The following ACTR10 variants were observed in gnomAD, a reference collection of about 807,000 sequenced individuals.
The protein encoded by ACTR10 is actin-related protein 10.
ACTR10 carries 43 observed loss-of-function variants against 56.2 expected under a neutral mutation model. The observed-to-expected ratio is 0.77, with a 90% CI of 0.60 to 0.99. ACTR10 has a LOEUF of 0.99. Among genes scored for constraint, ACTR10 ranks in the 50% least tolerant of loss-of-function variants. The pLI, the probability that ACTR10 is intolerant of heterozygous loss-of-function variation, is 0.00. For missense variants in ACTR10, 466 were observed against 507.8 expected (o/e 0.92, Z 0.79); for synonymous variants, 170 against 176.3 (o/e 0.96, Z 0.28).
In ACTR10 at chr14:58,208,630, G is replaced by T. The variant is rs184041450; in HGVS notation, c.234-369G>T. Among the ~76,000 whole-genome samples, 617 of 151,854 alleles carry T rather than the reference G, an allele frequency of 4.1e-3. 1 individual carries two copies. The highest frequency in any genetic ancestry group is 0.014 in the Middle Eastern group (4 of 294). ...GCTACTCAGGAGGTTGAGATCAGGG[G>T]ATGGCTTGAACCCAGGAGGCTGAGG... On this transcript the variant is annotated intron_variant, in intron 3 of 12. Coordinates refer to ENST00000254286, the MANE Select transcript of ACTR10 (RefSeq NM_018477.3).
intron 4 of ACTR10, 92 bp downstream of exon 4, chr14:58,209,199 CTTTT>C: frequency 1.1e-6 from 1 of 890,562 alleles, no homozygotes; most frequent in Non-Finnish European, 1.7e-6. Context: ...TCTTTCTTCT[CTTTT>C]TTTTTGTTGG....
intron 7 of ACTR10, among the ~76,000 whole-genome samples, chr14:58,217,916 C>T (rs1889174792): frequency 6.6e-6 from 1 of 152,118 alleles, no homozygotes; most frequent in African/African-American, 2.4e-5. Flanking sequence ...ATATGTTATG[C>T]TTCTTATTTT....
In ACTR10 at chr14:58,211,387, C is replaced by T; in HGVS notation, c.438C>T (p.Ser146=). The stretch of plus-strand genomic sequence containing the variant: ...TCCTAGATTGTGGATATAGGGAAAG[C>T]CTGGTGTTACCCATATCTTTTTTGT... ...AMVLDCGYRE[S]LVLPIYEGIP... The change falls in exon 5 of 13, where the codon AGC becomes AGT. Residue 146 remains serine (S), a synonymous_variant. Coordinates refer to ENST00000254286, the MANE Select transcript of ACTR10 (RefSeq NM_018477.3). 6.2e-7 allele frequency: 1 copy of T among 1,612,362 alleles called. No individual in the cohort carries two copies. Among genetic ancestry groups the T allele is most frequent in the African/African-American group, 1.3e-5 (1 of 74,988 alleles).
intron 10 of ACTR10, among the ~76,000 whole-genome samples, chr14:58,227,165 G>C (rs1889423120): frequency 2.8e-5 from 2 of 70,690 alleles, no homozygotes; most frequent in Non-Finnish European, 2.7e-5. Flanking sequence ...ATGATTTCCA[G>C]CTTTTTTTTT....
At chr14:58,224,510 G>A (rs1431901440) in intron 10 of ACTR10, among the ~76,000 whole-genome samples, 1 of 151,750 alleles carries the variant, frequency 6.6e-6, no homozygotes, top group Non-Finnish European at 1.5e-5. Context: ...GCCTCCCAAA[G>A]TGCTGGGATT....
At chr14:58,220,062 T>C (rs1035225542) in intron 8 of ACTR10, among the ~76,000 whole-genome samples, 2 of 152,194 alleles carry the variant, frequency 1.3e-5, no homozygotes, top group Non-Finnish European at 2.9e-5. Flanking sequence ...TTTTTTACTC[T>C]AGTTTTCTTT....
chr14:58,224,957 C>T (rs951882659), intron 10 of ACTR10, among the ~76,000 whole-genome samples: 1 of 151,552 alleles, frequency 6.6e-6, no homozygotes, highest in Non-Finnish European at 1.5e-5. Context: ...CCATTGCACT[C>T]CAGCCTGGGC....
At chr14:58,201,043 C>T (rs1594801086) in intron 1 of ACTR10, among the ~76,000 whole-genome samples, 2 of 152,058 alleles carry the variant, frequency 1.3e-5, no homozygotes, top group Admixed American at 6.5e-5. Context: ...GTGATGGGCT[C>T]AACAGAGAGG....
chr14:58,225,080 T>C (rs1197316454), intron 10 of ACTR10, among the ~76,000 whole-genome samples: 2 of 152,070 alleles, frequency 1.3e-5, no homozygotes, highest in African/African-American at 2.4e-5. Flanking sequence ...AAATTAGCCA[T>C]AGATAATATT....
chr14:58,232,404 CTTTTTTTTTTTT>C (rs5808963), intron 12 of ACTR10, 137 bp downstream of exon 12: 37 of 135,744 alleles, frequency 2.7e-4, no homozygotes, highest in African/African-American at 1.1e-3. Flanking sequence ...CTGACTTTTT[CTTTTTTTTTTTT>C]TTTTTTTTTT....
At chr14:58,233,162 C>T (rs528084449) in intron 12 of ACTR10, among the ~76,000 whole-genome samples, 18 of 152,190 alleles carry the variant, frequency 1.2e-4, no homozygotes, top group Middle Eastern at 3.4e-3. Flanking sequence ...TGTGAGCCAC[C>T]GCCCCTGGCT....
chr14:58,216,278 C>T (rs186675991), intron 7 of ACTR10, among the ~76,000 whole-genome samples: 4 of 152,126 alleles, frequency 2.6e-5, no homozygotes, highest in African/African-American at 7.2e-5. Flanking sequence ...GCGCAAGCCA[C>T]CACACCCAGC....
intron 4 of ACTR10, 99 bp from the exon 5 acceptor site, chr14:58,211,193 T>C (rs1010242346): frequency 1.2e-6 from 1 of 828,512 alleles, no homozygotes; most frequent in Non-Finnish European, 2.0e-6. Context: ...TAATATAATG[T>C]TCCTGTGAAT....
chr14:58,206,023 A>G (rs1888852870), intron 2 of ACTR10, among the ~76,000 whole-genome samples: 1 of 152,056 alleles, frequency 6.6e-6, no homozygotes. Context: ...CTCCATGTCA[A>G]AAAAAACGGG....
At chr14:58,201,237 C>T (rs1594801148) in intron 1 of ACTR10, among the ~76,000 whole-genome samples, 1 of 152,132 alleles carries the variant, frequency 6.6e-6, no homozygotes, top group Non-Finnish European at 1.5e-5. Context: ...TAAACATAGT[C>T]CTTGGTTAAT....
intron 3 of ACTR10, 65 bp downstream of exon 3, chr14:58,208,083 T>C: frequency 7.1e-7 from 1 of 1,413,538 alleles, no homozygotes; most frequent in Non-Finnish European, 9.3e-7. Flanking sequence ...ATAGTGATAA[T>C]TGGTTGTGTT....
At chr14:58,210,863 C>G (rs1594805872) in intron 4 of ACTR10, among the ~76,000 whole-genome samples, 1 of 152,140 alleles carries the variant, frequency 6.6e-6, no homozygotes, top group East Asian at 1.9e-4. Flanking sequence ...TTAGTAGAGA[C>G]AAGGTTTCAC....
At chr14:58,216,482 T>G (rs1316487040) in intron 7 of ACTR10, among the ~76,000 whole-genome samples, 10 of 152,166 alleles carry the variant, frequency 6.6e-5, no homozygotes, top group Admixed American at 6.6e-4. Flanking sequence ...AGAATTTTTG[T>G]AAGCTCCTAC....
intron 6 of ACTR10, among the ~76,000 whole-genome samples, 167 bp from the exon 7 acceptor site, chr14:58,215,038 G>A (rs1889099555): frequency 6.6e-6 from 1 of 151,828 alleles, no homozygotes; most frequent in Non-Finnish European, 1.5e-5. Flanking sequence ...CCTAGGAGGT[G>A]AATGTTGCAG....
Sources: gnomAD v4.1 joint callset for allele counts (sites outside exome capture counted in the v4.1 genomes callset) on GRCh38, gnomAD v4.1.1 for gene constraint, MANE v1.5 for transcripts, NCBI Gene and HGNC (gene_info 2026-07-23, HGNC 2026-07-21) for gene names.